Variants in NOL11 observed in about 807,000 individuals in gnomAD.
NOL11 encodes nucleolar protein 11.
Under a neutral mutation model 93.0 loss-of-function variants are expected in NOL11, and 42 were observed. The ratio of observed to expected loss-of-function variants is 0.45; its 90% CI spans 0.35 to 0.58. The LOEUF (loss-of-function observed/expected upper bound fraction) is 0.58, where lower values mean the gene tolerates loss of function less well. Ranked by LOEUF, NOL11 falls within the 20% of genes least tolerant of loss-of-function variation. The pLI is 0.00. For missense variants in NOL11, 775 were observed against 841.8 expected (o/e 0.92, Z 0.98); for synonymous variants, 296 against 293.7 (o/e 1.01, Z -0.08).
chr17:67,737,205 C>T, intron 11 of NOL11, 60 bp downstream of exon 11: 1 of 994,326 alleles, frequency 1.0e-6, no homozygotes, highest in Admixed American at 1.8e-5. Flanking sequence ...GAAATCGCAT[C>T]TACTCTTCGT....
rs753895737 is a variant in NOL11, at chr17:67,724,199, TTTTC to T, written c.664+14_664+17del. ...CATCTCTTTGATGTCATTAAGTAAG[TTTTC>T]TTTCTTTAAACTTTCAGAGATTATA... On this transcript the variant is annotated splice_region_variant and intron_variant, in intron 6 of 17. Transcript: ENST00000253247. The T allele has an allele frequency of 1.1e-5, 16 of 1,515,286 alleles. No homozygotes were observed. The East Asian group carries it at 2.3e-4, about 21-fold the overall frequency. The allele number at this position is 1,515,286 out of a possible 1,614,324, so 93.9% of individuals were successfully genotyped here.
intron 4 of NOL11, 127 bp downstream of exon 4, chr17:67,721,653 C>G: frequency 1.3e-6 from 1 of 749,694 alleles, no homozygotes; most frequent in Non-Finnish European, 2.1e-6. Flanking sequence ...ACTTACAAAA[C>G]ACTGACTAAA....
At chr17:67,736,326 C>T (rs2055201987) in intron 9 of NOL11, among the ~76,000 whole-genome samples, 1 of 150,886 alleles carries the variant, frequency 6.6e-6, no homozygotes, top group African/African-American at 2.4e-5. Flanking sequence ...AACTTGTGAA[C>T]AGTCCAAATT....
intron 11 of NOL11, 85 bp from the exon 12 acceptor site, chr17:67,737,423 G>C (rs1254316671): frequency 1.8e-6 from 2 of 1,138,054 alleles, no homozygotes; most frequent in East Asian, 4.7e-5. Flanking sequence ...TTAGTCATTT[G>C]AGAAAATGTT....
rs924800974 is a variant in NOL11 at position 67,722,647 on chromosome 17, A to G, written c.519+10A>G. On this transcript the variant is annotated intron_variant, in intron 5 of 17. Coordinates refer to ENST00000253247, the MANE Select transcript of NOL11 (RefSeq NM_015462.5). ...TTTTATTACTGAAAAAGTAAGTGAT[A>G]TCTTCAATTCCTGGCCCATTTTGTG... is the stretch of plus-strand genomic sequence containing the variant. 18 of 1,566,016 alleles carry G rather than the reference A, an allele frequency of 1.1e-5. No individual in the cohort carries two copies. The highest frequency in any genetic ancestry group is 1.5e-5 in the Non-Finnish European group (18 of 1,165,954).
intron 3 of NOL11, chr17:67,720,516 G>C (rs2043210554): frequency 6.6e-6 from 1 of 152,322 alleles, no homozygotes; most frequent in South Asian, 2.1e-4. Flanking sequence ...GGCCAGGCTG[G>C]TCTTGAACTC....
At chr17:67,727,477 G>C (rs1383175966) in intron 7 of NOL11, among the ~76,000 whole-genome samples, 1 of 152,054 alleles carries the variant, frequency 6.6e-6, no homozygotes, top group Non-Finnish European at 1.5e-5. Context: ...GACCAACATG[G>C]AGAAACCCCG....
At chr17:67,726,436 A>G in intron 6 of NOL11, 24 bp from the exon 7 acceptor site, 2 of 1,585,110 alleles carry the variant, frequency 1.3e-6, no homozygotes, top group South Asian at 1.2e-5. Context: ...TCAATAACCA[A>G]CAACAAATGC....
chr17:67,726,493 C>G lies in NOL11; in HGVS notation c.698C>G (p.Pro233Arg), dbSNP rs2055094779. Reference protein sequence around the residue: ...SDGCIYETLIPIRPADPEKNQ... With the variant: ...SDGCIYETLIRIRPADPEKNQ... ...GGTTGTATATATGAAACCTTGATACCAATACGTCCAGCTGACCCAGAAAAA... is the reference window on the plus strand; with the variant it reads ...GGTTGTATATATGAAACCTTGATACGAATACGTCCAGCTGACCCAGAAAAA... The change falls in exon 7 of 18, where the codon CCA becomes CGA. Residue 233 changes from proline (P) to arginine (R), a missense_variant. Physicochemically the swap from Pro to Arg is moderately radical, Grantham distance 103 (BLOSUM62 -2). This residue lies in a region of NOL11 where 359 missense variants were observed against 316.5 expected (regional missense o/e 1.13). Transcript: ENST00000253247. 1 of 1,613,220 alleles carries G rather than the reference C, an allele frequency of 6.2e-7. No individual in the cohort carries two copies. The highest frequency in any genetic ancestry group is 8.5e-7 in the Non-Finnish European group (1 of 1,179,798).
intron 7 of NOL11, among the ~76,000 whole-genome samples, chr17:67,731,022 GTGTGTTGAACATTTT>G (rs1260320499): frequency 6.6e-6 from 1 of 152,208 alleles, no homozygotes. Context: ...TAATGACTAA[GTGTGTTGAACATTTT>G]TTCATATGCT....
In NOL11 at chr17:67,721,517, A is replaced by T; in HGVS notation, c.452A>T (p.Glu151Val). Residue 151 changes from glutamate to valine, a missense_variant, in exon 4 of 18, where the codon GAA becomes GTA. By Grantham distance (121) the Glu-to-Val change is moderately radical. Around this residue, in one of 2 missense-constraint regions of NOL11, gnomAD observed 359 missense variants for 316.5 expected, o/e 1.13. Coordinates refer to ENST00000253247, the MANE Select transcript of NOL11 (RefSeq NM_015462.5). ...ATTGAAACTGTTATCTCTGATGAAG[A>T]AGTGATTAAGTAAGTTCCAGTACTT... is the stretch of plus-strand genomic sequence containing the variant. The part of the protein sequence containing the change: ...QKIETVISDE[E>V]VIKWTKFFVV... 2 of 1,611,912 alleles carry T rather than the reference A, an allele frequency of 1.2e-6. No individual in the cohort carries two copies. The highest frequency in any genetic ancestry group is 1.7e-6 in the Non-Finnish European group (2 of 1,179,260).
intron 8 of NOL11, 36 bp downstream of exon 8, chr17:67,734,475 G>T: frequency 7.5e-7 from 1 of 1,327,900 alleles, no homozygotes; most frequent in African/African-American, 1.5e-5. Context: ...CTCTGATTTA[G>T]TTATTTTGTT....
intron 16 of NOL11, among the ~76,000 whole-genome samples, chr17:67,743,098 T>A (rs576692837): frequency 6.6e-6 from 1 of 152,138 alleles, no homozygotes; most frequent in Non-Finnish European, 1.5e-5. Flanking sequence ...AAAAAGTAGC[T>A]GGGTATGATG....
Position 67,744,000 on chromosome 17 carries a change from A to C in NOL11, c.*141A>C. Reference sequence around the variant, plus strand: ...CAGTGAGTACCTGGACCATCACTTAACTGATGCTCCGGGGTAGGACTGCAG... The same window carrying C: ...CAGTGAGTACCTGGACCATCACTTACCTGATGCTCCGGGGTAGGACTGCAG... On this transcript the variant is annotated 3_prime_UTR_variant, in exon 18 of 18. Transcript: ENST00000253247. 2.1e-6 allele frequency: 1 copy of C among 472,608 alleles called. No homozygotes were observed. Among genetic ancestry groups the C allele is most frequent in the South Asian group, 3.4e-5 (1 of 28,994 alleles). 29.3% of individuals were successfully genotyped at this position (472,608 alleles called of 1,614,324 possible).
At chr17:67,733,088 G>A (rs1420474767) in intron 7 of NOL11, among the ~76,000 whole-genome samples, 1 of 151,870 alleles carries the variant, frequency 6.6e-6, no homozygotes, top group Non-Finnish European at 1.5e-5. Context: ...TTTTGGCTGG[G>A]CGTGGTGGCT....
chr17:67,720,034 T>C, intron 3 of NOL11, 72 bp downstream of exon 3: 2 of 1,367,062 alleles, frequency 1.5e-6, no homozygotes, highest in Non-Finnish European at 2.0e-6. Flanking sequence ...ATAAAGTATG[T>C]GTTATTTATT....
At chr17:67,743,288 A>G (rs758020878) in intron 16 of NOL11, 191 bp from the exon 17 acceptor site, 2 of 395,706 alleles carry the variant, frequency 5.1e-6, no homozygotes, top group South Asian at 5.0e-5. Context: ...TTTAATTAGA[A>G]TAAATTTTTT....
chr17:67,722,347 A>G (rs1245996974), intron 4 of NOL11, among the ~76,000 whole-genome samples: 1 of 152,208 alleles, frequency 6.6e-6, no homozygotes, highest in African/African-American at 2.4e-5. Context: ...TTAGAACTTT[A>G]AAATTCACAT....
intron 6 of NOL11, among the ~76,000 whole-genome samples, chr17:67,724,578 C>T (rs1023239331): frequency 2.0e-5 from 3 of 152,052 alleles, no homozygotes; most frequent in South Asian, 2.1e-4. Context: ...GTAATCCACC[C>T]GCCTTGGCCT....
Sources: allele counts gnomAD v4.1 joint callset (sites outside exome capture counted in the v4.1 genomes callset), GRCh38; gene constraint gnomAD v4.1.1; regional missense constraint gnomAD v4.1.1; transcripts MANE v1.5; gene names NCBI Gene and HGNC (gene_info 2026-07-23, HGNC 2026-07-21).